The following JPH1 variants were observed in gnomAD, a reference collection of about 807,000 sequenced individuals.
JPH1 encodes junctophilin-1.
A neutral mutation model predicts 53.6 loss-of-function variants in JPH1; 12 were observed. The ratio of observed to expected loss-of-function variants is 0.22; its 90% CI spans 0.14 to 0.36. The LOEUF (loss-of-function observed/expected upper bound fraction) is 0.36, where lower values mean the gene tolerates loss of function less well. JPH1 is among the 10% of genes least tolerant of loss of function. The pLI is 1.00. For missense variants in JPH1, 808 were observed against 905.5 expected, an observed-to-expected ratio of 0.89 and a Z score of 1.38; for synonymous variants, 375 against 363.8, an observed-to-expected ratio of 1.03 and a Z score of -0.35.
At chr8:74,256,426 A>C (rs934594351) in intron 3 of JPH1, among the ~76,000 whole-genome samples, 2 of 152,036 alleles carry the variant, frequency 1.3e-5, no homozygotes, top group African/African-American at 4.8e-5. Flanking sequence ...TAGCATTAGG[A>C]GATATACCTA....
intron 2 of JPH1, among the ~76,000 whole-genome samples, chr8:74,263,002 T>G (rs529795989): frequency 2.0e-5 from 3 of 152,242 alleles, no homozygotes; most frequent in Non-Finnish European, 1.5e-5. Context: ...TTTTATGAGC[T>G]CTCTAGTTGG....
chr8:74,301,759 A>G (rs571022511), intron 2 of JPH1, among the ~76,000 whole-genome samples: 33 of 152,290 alleles, frequency 2.2e-4, no homozygotes, highest in Non-Finnish European at 4.3e-4. Flanking sequence ...TTTTTTTCTT[A>G]GAATTTACCA....
chr8:74,261,540 G>C (rs571460171), intron 2 of JPH1, among the ~76,000 whole-genome samples: 5 of 152,230 alleles, frequency 3.3e-5, no homozygotes, highest in Admixed American at 3.3e-4. Context: ...ACATCAAGAG[G>C]GGAGGGACAT....
intron 3 of JPH1, among the ~76,000 whole-genome samples, chr8:74,249,021 C>T (rs1014739251): frequency 2.6e-5 from 4 of 152,176 alleles, no homozygotes; most frequent in South Asian, 2.1e-4. Context: ...ACAGGTCACC[C>T]GCTCACGGAC....
intron 2 of JPH1, among the ~76,000 whole-genome samples, chr8:74,296,548 G>A (rs16938854): frequency 0.011 from 1,712 of 152,200 alleles, 24 homozygotes; most frequent in East Asian, 0.098. Flanking sequence ...GCAATGAATG[G>A]GGAAAGGAGG....
chr8:74,275,793 C>A (rs1563407369), intron 2 of JPH1, among the ~76,000 whole-genome samples: 2 of 152,122 alleles, frequency 1.3e-5, no homozygotes, highest in Admixed American at 6.6e-5. Context: ...CTTCACAGAA[C>A]AAGGATATGA....
At chr8:74,278,477 C>T (rs1395185207) in intron 2 of JPH1, among the ~76,000 whole-genome samples, 1 of 152,188 alleles carries the variant, frequency 6.6e-6, no homozygotes, top group East Asian at 1.9e-4. Flanking sequence ...GTTCCCGTGA[C>T]ATTACATTCT....
intron 2 of JPH1, among the ~76,000 whole-genome samples, chr8:74,275,319 T>G (rs1365172642): frequency 6.6e-6 from 1 of 152,146 alleles, no homozygotes; most frequent in Admixed American, 6.5e-5. Context: ...AAAACAGAGA[T>G]GTCTGTTTTT....
chr8:74,288,243 C>T (rs1807226675), intron 2 of JPH1, among the ~76,000 whole-genome samples: 1 of 152,190 alleles, frequency 6.6e-6, no homozygotes, highest in South Asian at 2.1e-4. Context: ...TTCATCTTCC[C>T]ATCCTCCGTG....
chr8:74,248,079 C>T (rs1003495511), intron 3 of JPH1, among the ~76,000 whole-genome samples: 3 of 152,142 alleles, frequency 2.0e-5, no homozygotes, highest in African/African-American at 7.2e-5. Flanking sequence ...ACTTCTTTAA[C>T]CTTTAGAAAT....
chr8:74,309,114 G>T (rs1807918198), intron 2 of JPH1, among the ~76,000 whole-genome samples: 1 of 152,144 alleles, frequency 6.6e-6, no homozygotes, highest in Non-Finnish European at 1.5e-5. Flanking sequence ...CACCTGAAGT[G>T]CCAGTAATGG....
chr8:74,300,235 T>A (rs568335945), intron 2 of JPH1, among the ~76,000 whole-genome samples: 107 of 152,382 alleles, frequency 7.0e-4, no homozygotes, highest in Admixed American at 1.8e-3. Context: ...CCTTTGTTAA[T>A]TCCTAGAAGA....
chr8:74,245,699 A>G (rs1215541846), intron 3 of JPH1, among the ~76,000 whole-genome samples: 1 of 152,202 alleles, frequency 6.6e-6, no homozygotes, highest in Non-Finnish European at 1.5e-5. Context: ...CATGTAGTCC[A>G]TTCACAGCTA....
chr8:74,264,274 T>C (rs1262576237), intron 2 of JPH1, among the ~76,000 whole-genome samples: 1 of 152,230 alleles, frequency 6.6e-6, no homozygotes, highest in African/African-American at 2.4e-5. Context: ...ATCTTCACCA[T>C]CTATTCATTA....
At position 74,280,556 on chromosome 8, in the gene JPH1, G is replaced by A. The variant is rs1806982760; in HGVS notation, c.1140-21053C>T. On this transcript the variant is annotated intron_variant, in intron 2 of 5. Coordinates refer to ENST00000342232, the MANE Select transcript of JPH1 (RefSeq NM_020647.4). ...AATGGAGGTGGGAAGGAAGAAGGGA[G>A]GCAGGAAGGGAAGGAACAGCACAGA... is the stretch of plus-strand genomic sequence containing the variant. Among the ~76,000 whole-genome samples, 3 of 152,228 alleles carry A rather than the reference G, an allele frequency of 2.0e-5. No individual in the cohort carries two copies. In the South Asian group the frequency reaches 6.2e-4, roughly 32 times the overall value.
In JPH1 at chr8:74,315,220, G is replaced by A. The variant is rs573115086; in HGVS notation, c.780C>T (p.Gly260=). 8 of 1,614,154 alleles carry A rather than the reference G, an allele frequency of 5.0e-6. No individual in the cohort carries two copies. The South Asian group carries it at 8.8e-5, about 18-fold the overall frequency. Residue 260 remains glycine (G), a synonymous_variant, in exon 2 of 6, where the codon GGC becomes GGT. Coordinates refer to ENST00000342232, the MANE Select transcript of JPH1 (RefSeq NM_020647.4). The surrounding 1 kb of genome is among the most constrained non-coding windows in gnomAD (Gnocchi z 6.3). ...CCGGGCAAAAATCACAATCTACATC[G>A]CCAAAGCTGATCGTGGAGTTGGCAT... ...SSDANSTISF[G]DVDCDFCPVE... is the part of the protein sequence containing the mutation.
intron 2 of JPH1, among the ~76,000 whole-genome samples, chr8:74,275,731 T>C (rs1806827836): frequency 6.6e-6 from 1 of 152,180 alleles, no homozygotes; most frequent in African/African-American, 2.4e-5. Context: ...AATGGGAGCA[T>C]AACGTCCTTA....
Position 74,303,078 on chromosome 8 carries a change from A to G in JPH1, c.1139+11783T>C, listed in dbSNP as rs184086031. 5.6e-3 allele frequency among the ~76,000 whole-genome samples: 845 copies of G among 152,246 alleles called. 8 individuals carry two copies. The highest frequency in any genetic ancestry group is 9.3e-3 in the Non-Finnish European group (635 of 68,026). ...ATAGAAATTCAGATACCTGAATTGC[A>G]TTGTCATAAGGCAACAAATTCCTAG... On this transcript the variant is annotated intron_variant, in intron 2 of 5. Transcript: ENST00000342232.
chr8:74,307,174 T>C (rs774843802), intron 2 of JPH1, among the ~76,000 whole-genome samples: 11 of 152,200 alleles, frequency 7.2e-5, no homozygotes, highest in Non-Finnish European at 1.5e-4. Context: ...GTTTCCTTCC[T>C]CACTTCATCT....
Sources: allele counts gnomAD v4.1 joint callset (sites outside exome capture counted in the v4.1 genomes callset), GRCh38; gene constraint gnomAD v4.1.1; non-coding constraint Gnocchi (gnomAD v3.1); transcripts MANE v1.5; gene names NCBI Gene and HGNC (gene_info 2026-07-23, HGNC 2026-07-21).